Variants in PSD2 observed in about 807,000 individuals in gnomAD.
The protein encoded by PSD2 is pleckstrin and Sec7 domain containing 2.
In PSD2, 38 loss-of-function variants were observed where a neutral mutation model predicts 69.8. The observed-to-expected ratio is 0.54, with a 90% CI of 0.42 to 0.71. The LOEUF (loss-of-function observed/expected upper bound fraction) is 0.71, where lower values mean the gene tolerates loss of function less well. Ranked by LOEUF, PSD2 falls within the 30% of genes least tolerant of loss-of-function variation. The pLI, the probability that PSD2 is intolerant of heterozygous loss-of-function variation, is 0.00. For synonymous variants in PSD2, 412 were observed against 423.0 expected (o/e 0.97, Z 0.32); for missense variants, 943 against 1,014.5 (o/e 0.93, Z 0.96).
At position 139,842,566 on chromosome 5, in the gene PSD2, C is replaced by T. The variant is rs1760901402; in HGVS notation, c.*92C>T. The T allele has an allele frequency of 5.1e-6, 6 of 1,180,772 alleles. No individual in the cohort carries two copies. The highest frequency in any genetic ancestry group is 4.0e-5 in the South Asian group (3 of 75,580). 73.1% of individuals were successfully genotyped at this position (1,180,772 alleles called of 1,614,324 possible). A position where few individuals can be genotyped will look rare whatever the true frequency, so the allele number is the denominator to read the frequency against. On this transcript the variant is annotated 3_prime_UTR_variant, in exon 15 of 15. Coordinates refer to ENST00000274710, the MANE Select transcript of PSD2 (RefSeq NM_032289.4). ...GCCAGGGGCCACTTGGACCAAGCTCCAGTCAGTTGATGGGCAGCTAGAGGG... is the reference window on the plus strand; with the variant it reads ...GCCAGGGGCCACTTGGACCAAGCTCTAGTCAGTTGATGGGCAGCTAGAGGG...
the PSD2 span, among the ~76,000 whole-genome samples, chr5:139,763,322 G>C: frequency 6.6e-6 from 1 of 152,128 alleles, no homozygotes; most frequent in Non-Finnish European, 1.5e-5. Flanking sequence ...ACGTCACTCT[G>C]AAGCATGTTT....
At chr5:139,836,717 C>A in intron 9 of PSD2, 94 bp from the exon 10 acceptor site, 1 of 1,124,038 alleles carries the variant, frequency 8.9e-7, no homozygotes, top group Non-Finnish European at 1.3e-6. Context: ...CTCCATGACC[C>A]TGGCTCCTGG....
At chr5:139,815,137 C>T (rs1437017258) in intron 4 of PSD2, among the ~76,000 whole-genome samples, 1 of 152,114 alleles carries the variant, frequency 6.6e-6, no homozygotes, top group Non-Finnish European at 1.5e-5. Context: ...CTCAGGATGC[C>T]CTGAGGGCGG....
the PSD2 span, among the ~76,000 whole-genome samples, chr5:139,778,297 C>T: frequency 6.6e-6 from 1 of 152,162 alleles, no homozygotes; most frequent in Non-Finnish European, 1.5e-5. Flanking sequence ...GACATTAAGG[C>T]CCCCCAAGAA....
At chr5:139,795,349 C>CG (rs1391415023), upstream of PSD2, among the ~76,000 whole-genome samples, 4 of 152,128 alleles carry the variant, frequency 2.6e-5, no homozygotes, top group East Asian at 3.9e-4. The surrounding 1 kb of genome is among the most constrained non-coding windows in gnomAD (Gnocchi z 4.5). Flanking sequence ...GCGTGTGTGT[C>CG]GGGGGGCTGG....
chr5:139,831,596 T>C (rs900638512), intron 7 of PSD2, among the ~76,000 whole-genome samples: 2 of 152,232 alleles, frequency 1.3e-5, no homozygotes, highest in African/African-American at 4.8e-5. Flanking sequence ...ACTTATAAAG[T>C]ACTTGTACCA....
At chr5:139,781,569 T>C in the PSD2 span, among the ~76,000 whole-genome samples, 1 of 152,028 alleles carries the variant, frequency 6.6e-6, no homozygotes, top group Non-Finnish European at 1.5e-5. Flanking sequence ...TCTTCTGACC[T>C]CGTGATCCAC....
At chr5:139,842,239 G>C in intron 14 of PSD2, 32 bp from the exon 15 acceptor site, 1 of 1,592,998 alleles carries the variant, frequency 6.3e-7, no homozygotes. Context: ...CTATTTTGTT[G>C]TCTTTTGACC....
At chr5:139,771,309 C>G in the PSD2 span, among the ~76,000 whole-genome samples, 2 of 152,348 alleles carry the variant, frequency 1.3e-5, no homozygotes, top group East Asian at 3.9e-4. Flanking sequence ...GTGGAGCCGC[C>G]GTGGTGGGTA....
the PSD2 span, among the ~76,000 whole-genome samples, chr5:139,781,525 T>C: frequency 6.6e-6 from 1 of 151,828 alleles, no homozygotes; most frequent in African/African-American, 2.4e-5. Context: ...TTAGTAGAGA[T>C]GGGGTTTCAC....
chr5:139,808,992 C>T (rs539122113), intron 1 of PSD2, among the ~76,000 whole-genome samples: 79 of 152,334 alleles, frequency 5.2e-4, no homozygotes, highest in Admixed American at 7.2e-4. Flanking sequence ...GGCTAGGGGA[C>T]CGGCTGCTGA....
chr5:139,833,649 G>C, intron 7 of PSD2, 53 bp from the exon 8 acceptor site: 1 of 1,319,454 alleles, frequency 7.6e-7, no homozygotes, highest in South Asian at 1.2e-5. Context: ...GGTGTGTGGG[G>C]AACACACCAG....
upstream of PSD2, among the ~76,000 whole-genome samples, chr5:139,794,805 T>G (rs1289118713): frequency 6.6e-6 from 1 of 152,190 alleles, no homozygotes; most frequent in Non-Finnish European, 1.5e-5. Flanking sequence ...TAGATCCCTG[T>G]GGGTGGGGGC....
intron 1 of PSD2, among the ~76,000 whole-genome samples, chr5:139,799,434 G>A (rs1476500748): frequency 6.6e-6 from 1 of 152,192 alleles, no homozygotes; most frequent in African/African-American, 2.4e-5. Flanking sequence ...GTAGTGAGAG[G>A]CACAGCAAGG....
chr5:139,743,332 G>T, the PSD2 span, among the ~76,000 whole-genome samples: 1 of 152,232 alleles, frequency 6.6e-6, no homozygotes, highest in Non-Finnish European at 1.5e-5. Context: ...ACCCTGGAGG[G>T]TTACTGCTTC....
At chr5:139,755,738 GTC>G in the PSD2 span, among the ~76,000 whole-genome samples, 2 of 151,858 alleles carry the variant, frequency 1.3e-5, no homozygotes, top group East Asian at 3.9e-4. Flanking sequence ...CTGTGACTGT[GTC>G]TCTGTGTGTG....
At chr5:139,794,042 G>C (rs73263132), upstream of PSD2, among the ~76,000 whole-genome samples, 1 of 152,198 alleles carries the variant, frequency 6.6e-6, no homozygotes, top group Non-Finnish European at 1.5e-5. Context: ...GGGCAGGGGG[G>C]TAGAATGCAG....
chr5:139,804,812 A>C (rs905314827), intron 1 of PSD2, among the ~76,000 whole-genome samples: 2 of 152,034 alleles, frequency 1.3e-5, no homozygotes, highest in Admixed American at 1.3e-4. Flanking sequence ...CCACCTTACC[A>C]GGCAAATTAG....
chr5:139,823,242 T>C (rs1429525788), intron 7 of PSD2, among the ~76,000 whole-genome samples: 1 of 152,204 alleles, frequency 6.6e-6, no homozygotes, highest in African/African-American at 2.4e-5. Context: ...GCACTTCTCA[T>C]GGCTCAATAA....
Sources: gnomAD v4.1 joint callset for allele counts (sites outside exome capture counted in the v4.1 genomes callset) on GRCh38, gnomAD v4.1.1 for gene constraint, Gnocchi (gnomAD v3.1) non-coding constraint, MANE v1.5 for transcripts, NCBI Gene and HGNC (gene_info 2026-07-23, HGNC 2026-07-21) for gene names.